Variants in HERC2 observed in about 807,000 individuals in gnomAD.
The protein encoded by HERC2 is HECT and RLD domain containing E3 ubiquitin protein ligase 2.
In HERC2, 102 loss-of-function variants were observed where a neutral mutation model predicts 537.7. The observed-to-expected ratio is 0.19, with a 90% CI of 0.16 to 0.22. The LOEUF (loss-of-function observed/expected upper bound fraction) is 0.22, where lower values mean the gene tolerates loss of function less well. HERC2 is among the 10% of genes least tolerant of loss of function. The pLI, the probability that HERC2 is intolerant of heterozygous loss-of-function variation, is 1.00. For synonymous variants in HERC2, 2,224 were observed against 2,466.2 expected (o/e 0.90, Z 2.91); for missense variants, 4,236 against 6,198.2 (o/e 0.68, Z 10.63).
chr15:28,147,756 G>T (rs1891915697), intron 70 of HERC2, among the ~76,000 whole-genome samples: 1 of 152,056 alleles, frequency 6.6e-6, no homozygotes, highest in African/African-American at 2.4e-5. Flanking sequence ...GAATAGGCTG[G>T]GTACAGTGGC....
intron 38 of HERC2, among the ~76,000 whole-genome samples, chr15:28,217,924 C>T (rs942679700): frequency 6.6e-6 from 1 of 151,902 alleles, no homozygotes; most frequent in African/African-American, 2.4e-5. Context: ...CCTGCCCGCA[C>T]CTGGATTTGG....
intron 68 of HERC2, among the ~76,000 whole-genome samples, chr15:28,167,025 T>C (rs1894209607): frequency 6.6e-6 from 1 of 152,106 alleles, no homozygotes; most frequent in Non-Finnish European, 1.5e-5. Flanking sequence ...GAAGTAACAA[T>C]AAATGTGAAC....
At chr15:28,291,298 C>A (rs2076303676) in intron 4 of HERC2, among the ~76,000 whole-genome samples, 1 of 152,090 alleles carries the variant, frequency 6.6e-6, no homozygotes, top group Non-Finnish European at 1.5e-5. Context: ...AATCATAGAT[C>A]ACTGCAGCCG....
At chr15:28,307,436 A>G (rs1406199492) in intron 2 of HERC2, among the ~76,000 whole-genome samples, 1 of 152,014 alleles carries the variant, frequency 6.6e-6, no homozygotes, top group Non-Finnish European at 1.5e-5. Context: ...CTTCTTTTCT[A>G]GTTCTTTAAG....
Position 28,113,871 on chromosome 15 carries a change from G to A in HERC2, c.13914-193C>T, listed in dbSNP as rs757086244. Among the ~76,000 whole-genome samples the A allele has an allele frequency of 7.9e-5, 12 of 152,130 alleles. No individual in the cohort carries two copies. Among genetic ancestry groups the A allele is most frequent in the African/African-American group, 1.9e-4 (8 of 41,420 alleles). On this transcript the variant is annotated intron_variant, in intron 90 of 92. Transcript: ENST00000261609. The surrounding 1 kb of genome is among the most constrained non-coding windows in gnomAD (Gnocchi z 7.0). ...CTTCTCCTGACACTGGGCTCATCTC[G>A]TCCAGCCGACAGGGTACGGCCTAAT...
At chr15:28,119,297 G>C (rs765022329) in intron 86 of HERC2, among the ~76,000 whole-genome samples, 2 of 151,490 alleles carry the variant, frequency 1.3e-5, no homozygotes, top group African/African-American at 2.4e-5. Flanking sequence ...CTACTCAGGA[G>C]GGTGAGGCAA....
At position 28,230,247 on chromosome 15, in the gene HERC2, G is replaced by T. The variant is rs1166735156; in HGVS notation, c.4809+120C>A. On this transcript the variant is annotated intron_variant, in intron 31 of 92. Coordinates refer to ENST00000261609, the MANE Select transcript of HERC2 (RefSeq NM_004667.6). The stretch of plus-strand genomic sequence containing the variant: ...AGCCAAGTTCATGAAGCATCACTGG[G>T]GCCATGTTTCTAACAACCGCCCGTC... The T allele has an allele frequency of 4.2e-6, 4 of 946,094 alleles. No homozygotes were observed. The Admixed American group carries it at 6.8e-5, about 16-fold the overall frequency. 58.6% of individuals were successfully genotyped at this position (946,094 alleles called of 1,614,324 possible).
chr15:28,146,154 C>A, intron 71 of HERC2, 83 bp downstream of exon 71: 1 of 913,680 alleles, frequency 1.1e-6, no homozygotes. Context: ...ACGAAGGCAG[C>A]ATTCTGTCCT....
chr15:28,214,883 A>T (rs113344580), intron 39 of HERC2, 81 bp from the exon 40 acceptor site: 2 of 1,266,652 alleles, frequency 1.6e-6, no homozygotes, highest in East Asian at 2.5e-5. Context: ...TTTATTTTTT[A>T]TTTTTTTGAG....
intron 68 of HERC2, among the ~76,000 whole-genome samples, chr15:28,164,073 C>T (rs79380392): frequency 0.023 from 3,468 of 152,272 alleles, 64 homozygotes; most frequent in Middle Eastern, 0.12. Context: ...CCAGGGACTC[C>T]CACCGCTTCC....
intron 4 of HERC2, among the ~76,000 whole-genome samples, chr15:28,289,400 T>C (rs4932601): frequency 0.19 from 15,862 of 82,310 alleles, 1,084 homozygotes; most frequent in Middle Eastern, 0.29. Flanking sequence ...TGCATGCACC[T>C]TATAACATTC....
At chr15:28,208,585 TC>T (rs1459437441) in intron 44 of HERC2, among the ~76,000 whole-genome samples, 1 of 152,126 alleles carries the variant, frequency 6.6e-6, no homozygotes, top group East Asian at 1.9e-4. Flanking sequence ...CACCCTGGTC[TC>T]CCAGGTACTC....
At chr15:28,245,839 C>A (rs1375216836) in intron 23 of HERC2, 42 bp downstream of exon 23, 7 of 1,519,718 alleles carry the variant, frequency 4.6e-6, no homozygotes, top group Non-Finnish European at 5.4e-6. Context: ...TAGACAAGGA[C>A]AATAAAACTT....
intron 40 of HERC2, 67 bp downstream of exon 40, chr15:28,214,588 C>T (rs1596251329): frequency 6.4e-7 from 1 of 1,570,314 alleles, no homozygotes; most frequent in Non-Finnish European, 8.7e-7. Flanking sequence ...GGGAAACGGC[C>T]ACCCACCTGA....
intron 70 of HERC2, among the ~76,000 whole-genome samples, chr15:28,150,453 A>T (rs1892322155): frequency 2.0e-5 from 3 of 151,994 alleles, no homozygotes; most frequent in Admixed American, 6.6e-5. Flanking sequence ...GGCCACACGA[A>T]CGTACATTCT....
intron 50 of HERC2, among the ~76,000 whole-genome samples, chr15:28,197,045 CTT>C (rs1006271598): frequency 3.4e-4 from 51 of 152,184 alleles, no homozygotes; most frequent in African/African-American, 1.1e-3. Flanking sequence ...TAAAATTTGT[CTT>C]GTTTTGATTT....
intron 44 of HERC2, among the ~76,000 whole-genome samples, chr15:28,209,770 T>A (rs1173481475): frequency 6.6e-6 from 1 of 152,076 alleles, no homozygotes; most frequent in Non-Finnish European, 1.5e-5. Flanking sequence ...TTGGAACTCA[T>A]CCCCATGGAT....
intron 53 of HERC2, among the ~76,000 whole-genome samples, chr15:28,191,642 T>C (rs1262985079): frequency 6.6e-6 from 1 of 152,146 alleles, no homozygotes. Context: ...TGCTAGACTA[T>C]ACTAGAAAAA....
At chr15:28,209,957 T>TTC (rs1898967618) in intron 44 of HERC2, among the ~76,000 whole-genome samples, 1 of 138,906 alleles carries the variant, frequency 7.2e-6, no homozygotes, top group South Asian at 2.4e-4. Context: ...TTTTTTTTTT[T>TTC]TTTTTTTTTG....
Sources: gnomAD v4.1 joint callset for allele counts (sites outside exome capture counted in the v4.1 genomes callset) on GRCh38, gnomAD v4.1.1 for gene constraint, Gnocchi (gnomAD v3.1) non-coding constraint, MANE v1.5 for transcripts, NCBI Gene and HGNC (gene_info 2026-07-23, HGNC 2026-07-21) for gene names.